AGAP1: variants seen among roughly 807,000 people sequenced by gnomAD.
The protein encoded by AGAP1 is ArfGAP with GTPase domain, ankyrin repeat and PH domain 1.
Under a neutral mutation model 105.3 loss-of-function variants are expected in AGAP1, and 29 were observed. That is an observed-to-expected ratio of 0.28 (90% CI 0.21 to 0.38). The LOEUF (loss-of-function observed/expected upper bound fraction) is 0.38, where lower values mean the gene tolerates loss of function less well. Among genes scored for constraint, AGAP1 ranks in the 10% least tolerant of loss-of-function variants. The probability of loss-of-function intolerance (pLI) is 1.00; values close to 1 mark genes in which losing one functional copy is unlikely to be tolerated. For synonymous variants in AGAP1, 509 were observed against 485.9 expected, an observed-to-expected ratio of 1.05 and a Z score of -0.63; for missense variants, 998 against 1,165.1, an observed-to-expected ratio of 0.86 and a Z score of 2.09.
Position 235,872,612 on chromosome 2 carries a change from A to G in AGAP1, c.1051-10733A>G, listed in dbSNP as rs867678809. Among the ~76,000 whole-genome samples the G allele has an allele frequency of 1.3e-5, 2 of 152,150 alleles. No homozygotes were observed. Among genetic ancestry groups the G allele is most frequent in the African/African-American group, 4.8e-5 (2 of 41,424 alleles). On this transcript the variant is annotated intron_variant, in intron 9 of 17. Transcript: ENST00000304032. This position sits in a 1 kb window ranked among gnomAD's most constrained non-coding sequence, Gnocchi z 4.5. Reference sequence around the variant, plus strand: ...CATGTCCTCTAAAAGTTTCAAATGAACTATTTTTAGGGTTTTCCATTTTCT... The same window carrying G: ...CATGTCCTCTAAAAGTTTCAAATGAGCTATTTTTAGGGTTTTCCATTTTCT...
At chr2:235,504,581 G>T (rs1941711612) in intron 1 of AGAP1, among the ~76,000 whole-genome samples, 1 of 152,136 alleles carries the variant, frequency 6.6e-6, no homozygotes, top group South Asian at 2.1e-4. Flanking sequence ...CCACTGTGCA[G>T]ATTCTCACTT....
Position 236,127,553 on chromosome 2 carries a change from G to T in AGAP1, c.*3431G>T, listed in dbSNP as rs191669934. On this transcript the variant is annotated 3_prime_UTR_variant, in exon 18 of 18. Transcript: ENST00000304032. This position sits in a 1 kb window ranked among gnomAD's most constrained non-coding sequence, Gnocchi z 6.6. ...GCCTCTAGTGCACAGGCCAGTTCTC[G>T]GCAGTGGCTTTTCAGCACAAGGGCC... is the stretch of plus-strand genomic sequence containing the variant. 2 of 152,336 alleles carry T rather than the reference G, an allele frequency of 1.3e-5. No homozygotes were observed. Among genetic ancestry groups the T allele is most frequent in the African/African-American group, 4.8e-5 (2 of 41,568 alleles). 9.4% of individuals were successfully genotyped at this position (152,336 alleles called of 1,614,324 possible).
At chr2:235,499,207 A>G (rs1941456459) in intron 1 of AGAP1, among the ~76,000 whole-genome samples, 1 of 152,162 alleles carries the variant, frequency 6.6e-6, no homozygotes, top group South Asian at 2.1e-4. Context: ...CATACTTCCC[A>G]TAGGCCGTGT....
At position 235,994,435 on chromosome 2, in the gene AGAP1, A is replaced by G. The variant is rs2055700474; in HGVS notation, c.1645+25812A>G. Among the ~76,000 whole-genome samples the G allele has an allele frequency of 6.6e-6, 1 of 152,156 alleles. No homozygotes were observed. The highest frequency in any genetic ancestry group is 1.5e-5 in the Non-Finnish European group (1 of 68,034). On this transcript the variant is annotated intron_variant, in intron 13 of 17. Coordinates refer to ENST00000304032, the MANE Select transcript of AGAP1 (RefSeq NM_001037131.3). The surrounding 1 kb of genome is among the most constrained non-coding windows in gnomAD (Gnocchi z 4.4). ...ACGTAACAACTTTCTTAGTGCTTGTACTTGTGTGCCTCTTGGAGTTACTTG... is the reference window on the plus strand; with the variant it reads ...ACGTAACAACTTTCTTAGTGCTTGTGCTTGTGTGCCTCTTGGAGTTACTTG...
chr2:235,519,173 A>G (rs1297715472), intron 1 of AGAP1, among the ~76,000 whole-genome samples: 1 of 152,114 alleles, frequency 6.6e-6, no homozygotes, highest in Non-Finnish European at 1.5e-5. Flanking sequence ...CCTGGGCTCA[A>G]GCAATCCTCC....
chr2:235,896,577 T>C (rs758075834), intron 10 of AGAP1, among the ~76,000 whole-genome samples: 1 of 152,202 alleles, frequency 6.6e-6, no homozygotes, highest in Non-Finnish European at 1.5e-5. Context: ...ACATGCATGG[T>C]GGTCTGGAAG....
Position 235,963,186 on chromosome 2 carries a change from T to C in AGAP1, c.1484-5276T>C, listed in dbSNP as rs1321901700. Reference sequence around the variant, plus strand: ...GGATTTCTCGGACTCACCAAGAGAATTATAAATATTGCAAGATATGGAGAA... The same window carrying C: ...GGATTTCTCGGACTCACCAAGAGAACTATAAATATTGCAAGATATGGAGAA... On this transcript the variant is annotated intron_variant, in intron 12 of 17. Transcript: ENST00000304032. The surrounding 1 kb of genome is among the most constrained non-coding windows in gnomAD (Gnocchi z 5.1). 1.3e-5 allele frequency among the ~76,000 whole-genome samples: 2 copies of C among 152,150 alleles called. No homozygotes were observed. Among genetic ancestry groups the C allele is most frequent in the Non-Finnish European group, 2.9e-5 (2 of 68,032 alleles).
In AGAP1 at chr2:235,983,527, T is replaced by G. The variant is rs533893659; in HGVS notation, c.1645+14904T>G. ...CTTTTTCTCCCTTTCTTATTCTCTT[T>G]TTTCTTTGAACTTTTTTTTATTGTG... On this transcript the variant is annotated intron_variant, in intron 13 of 17. Coordinates refer to ENST00000304032, the MANE Select transcript of AGAP1 (RefSeq NM_001037131.3). This position sits in a 1 kb window ranked among gnomAD's most constrained non-coding sequence, Gnocchi z 4.5. Among the ~76,000 whole-genome samples, 9 of 152,352 alleles carry G rather than the reference T, an allele frequency of 5.9e-5. No homozygotes were observed. Among genetic ancestry groups the G allele is most frequent in the African/African-American group, 9.6e-5 (4 of 41,578 alleles).
At chr2:235,884,277 T>C (rs1440716165) in intron 10 of AGAP1, among the ~76,000 whole-genome samples, 1 of 152,122 alleles carries the variant, frequency 6.6e-6, no homozygotes, top group Non-Finnish European at 1.5e-5. Context: ...TCGAGTCCCT[T>C]ATATTAAATG....
chr2:235,570,874 AT>A (rs1397729220), intron 1 of AGAP1, among the ~76,000 whole-genome samples: 15 of 152,324 alleles, frequency 9.8e-5, no homozygotes, highest in African/African-American at 3.6e-4. Flanking sequence ...AGGTATCTGC[AT>A]TCAACTGTTC....
At chr2:236,077,782 A>G (rs1234526018) in intron 16 of AGAP1, among the ~76,000 whole-genome samples, 1 of 152,188 alleles carries the variant, frequency 6.6e-6, no homozygotes, top group Non-Finnish European at 1.5e-5. Flanking sequence ...GCTTATGATT[A>G]ATTCATTTCT....
Position 235,692,392 on chromosome 2 carries a change from G to T in AGAP1, c.164-16787G>T, listed in dbSNP as rs115789871. On this transcript the variant is annotated intron_variant, in intron 1 of 17. Coordinates refer to ENST00000304032, the MANE Select transcript of AGAP1 (RefSeq NM_001037131.3). This position sits in a 1 kb window ranked among gnomAD's most constrained non-coding sequence, Gnocchi z 5.8. ...GTGCCTGCACTGCCAGGTGCACATC[G>T]AGCCTAATCTGGCTTAGGAAACAGG... Among the ~76,000 whole-genome samples, 1,890 of 152,136 alleles carry T rather than the reference G, an allele frequency of 0.012. 42 individuals are homozygous for T. The highest frequency in any genetic ancestry group is 0.042 in the African/African-American group (1,725 of 41,468).
intron 1 of AGAP1, among the ~76,000 whole-genome samples, chr2:235,584,836 G>A (rs547126768): frequency 6.8e-6 from 1 of 146,174 alleles, no homozygotes; most frequent in South Asian, 2.2e-4. Flanking sequence ...GCTTTTATTC[G>A]TTTTCTCAGC....
At chr2:235,803,154 GTGA>G (rs1366674713) in intron 8 of AGAP1, among the ~76,000 whole-genome samples, 2 of 148,920 alleles carry the variant, frequency 1.3e-5, no homozygotes, top group East Asian at 2.0e-4. Context: ...GGTCATGATG[GTGA>G]TGATGGTTGT....
intron 16 of AGAP1, among the ~76,000 whole-genome samples, chr2:236,088,311 A>G (rs1459408193): frequency 6.6e-6 from 1 of 152,258 alleles, no homozygotes; most frequent in Non-Finnish European, 1.5e-5. Context: ...TTTAATGCAC[A>G]CTGAAGAAAC....
At chr2:235,520,024 C>T (rs1483651030) in intron 1 of AGAP1, among the ~76,000 whole-genome samples, 3 of 152,184 alleles carry the variant, frequency 2.0e-5, no homozygotes, top group East Asian at 1.9e-4. Flanking sequence ...TCAGGTGATT[C>T]GCCTGCCTCG....
At position 235,721,476 on chromosome 2, in the gene AGAP1, TATG is replaced by T. The variant is rs1559395575; in HGVS notation, c.310+3833_310+3835del. Among the ~76,000 whole-genome samples, 1 of 106,600 alleles carries T rather than the reference TATG, an allele frequency of 9.4e-6. No homozygotes were observed. Among genetic ancestry groups the T allele is most frequent in the African/African-American group, 3.1e-5 (1 of 32,362 alleles). The allele number at this position is 106,600 out of a possible 152,430, so 69.9% of individuals were successfully genotyped here. ...CTTGGATTGACAGATTCCTTAATAT[TATG>T]TGTGTGTGTGTGTGTGTGTGTGTGT... On this transcript the variant is annotated intron_variant, in intron 3 of 17. Coordinates refer to ENST00000304032, the MANE Select transcript of AGAP1 (RefSeq NM_001037131.3). This position sits in a 1 kb window ranked among gnomAD's most constrained non-coding sequence, Gnocchi z 4.5.
Position 236,082,942 on chromosome 2 carries a change from G to A in AGAP1, c.2114+33661G>A, listed in dbSNP as rs187046649. On this transcript the variant is annotated intron_variant, in intron 16 of 17. Coordinates refer to ENST00000304032, the MANE Select transcript of AGAP1 (RefSeq NM_001037131.3). The surrounding 1 kb of genome is among the most constrained non-coding windows in gnomAD (Gnocchi z 4.2). ...AGGCCGAGGTGGCCGGATCACCTGA[G>A]GTCAGGAATTCAAGACCAGCCTGAC... Among the ~76,000 whole-genome samples, 49 of 152,068 alleles carry A rather than the reference G, an allele frequency of 3.2e-4. 3 individuals are homozygous for A. In the East Asian group the frequency reaches 7.8e-3, roughly 24 times the overall value.
At position 235,670,358 on chromosome 2, in the gene AGAP1, C is replaced by T; in HGVS notation, c.164-38821C>T. The T allele has an allele frequency of 5.7e-6, 3 of 527,358 alleles. 1 individual carries two copies. The highest frequency in any genetic ancestry group is 4.7e-5 in the South Asian group (2 of 42,382). The allele number at this position is 527,358 out of a possible 1,614,324, so 32.7% of individuals were successfully genotyped here. On this transcript the variant is annotated intron_variant, in intron 1 of 17. Coordinates refer to ENST00000304032, the MANE Select transcript of AGAP1 (RefSeq NM_001037131.3). ...CGCCGAGGAACCGGAGGGTCCCCGG[C>T]CGCGCGCTTGGGATTTCCGCACCTT...
Sources: gnomAD v4.1 joint callset for allele counts (sites outside exome capture counted in the v4.1 genomes callset) on GRCh38, gnomAD v4.1.1 for gene constraint, Gnocchi (gnomAD v3.1) non-coding constraint, MANE v1.5 for transcripts, NCBI Gene and HGNC (gene_info 2026-07-23, HGNC 2026-07-21) for gene names.